DOK6: variants seen among roughly 807,000 people sequenced by gnomAD.
DOK6 encodes downstream of tyrosine kinase 6.
A neutral mutation model predicts 44.0 loss-of-function variants in DOK6; 22 were observed. The observed-to-expected ratio is 0.50, with a 90% CI of 0.36 to 0.71. The LOEUF (loss-of-function observed/expected upper bound fraction) is 0.71, where lower values mean the gene tolerates loss of function less well. Among genes scored for constraint, DOK6 ranks in the 30% least tolerant of loss-of-function variants. The probability of loss-of-function intolerance (pLI) is 0.00; values close to 1 mark genes in which losing one functional copy is unlikely to be tolerated. For missense variants in DOK6, 340 were observed against 416.4 expected, an observed-to-expected ratio of 0.82 and a Z score of 1.60; for synonymous variants, 166 against 145.5, an observed-to-expected ratio of 1.14 and a Z score of -1.01.
intron 6 of DOK6, among the ~76,000 whole-genome samples, chr18:69,743,846 G>A (rs996759013): frequency 6.0e-5 from 9 of 150,102 alleles, no homozygotes; most frequent in Non-Finnish European, 1.2e-4. Flanking sequence ...ACAGCATTTA[G>A]GATGCTCCTG....
intron 1 of DOK6, among the ~76,000 whole-genome samples, chr18:69,419,401 A>G (rs1217651386): frequency 6.6e-6 from 1 of 152,180 alleles, no homozygotes; most frequent in Non-Finnish European, 1.5e-5. Context: ...TTAAGTCATT[A>G]TGCTTTCTGC....
chr18:69,569,955 C>A (rs190705772), intron 2 of DOK6, among the ~76,000 whole-genome samples: 8 of 152,090 alleles, frequency 5.3e-5, no homozygotes, highest in Middle Eastern at 3.4e-3. Context: ...AAACCATATA[C>A]CACCTGTTCT....
At chr18:69,472,730 G>C (rs970377913) in intron 1 of DOK6, among the ~76,000 whole-genome samples, 2 of 151,532 alleles carry the variant, frequency 1.3e-5, no homozygotes, top group Admixed American at 1.3e-4. Context: ...ACACATACAC[G>C]CACAGATAGA....
intron 2 of DOK6, among the ~76,000 whole-genome samples, chr18:69,587,106 C>G (rs958765443): frequency 2.6e-5 from 4 of 152,142 alleles, no homozygotes; most frequent in African/African-American, 7.2e-5. Flanking sequence ...ACAGACGGCA[C>G]TGCTTATCTT....
chr18:69,601,817 C>T (rs72969449), intron 3 of DOK6, among the ~76,000 whole-genome samples: 3,750 of 152,200 alleles, frequency 0.025, 62 homozygotes, highest in Middle Eastern at 0.068. Context: ...ATGAAATACA[C>T]AAGACGAGCC....
At chr18:69,794,177 C>G (rs912459604) in intron 7 of DOK6, among the ~76,000 whole-genome samples, 1 of 152,134 alleles carries the variant, frequency 6.6e-6, no homozygotes, top group African/African-American at 2.4e-5. Context: ...CTTTCCATGT[C>G]ATTGGGGCCC....
chr18:69,410,576 T>A (rs918806715), intron 1 of DOK6, among the ~76,000 whole-genome samples: 1 of 152,178 alleles, frequency 6.6e-6, no homozygotes, highest in Non-Finnish European at 1.5e-5. Flanking sequence ...ACAGAAGGAA[T>A]ACAACAAAAA....
intron 4 of DOK6, among the ~76,000 whole-genome samples, chr18:69,681,617 C>T (rs767433698): frequency 3.2e-4 from 48 of 152,242 alleles, no homozygotes; most frequent in Non-Finnish European, 5.7e-4. Context: ...CAGGAAAGTG[C>T]ATACTTGGTA....
chr18:69,734,951 C>T (rs2144734545), intron 5 of DOK6, among the ~76,000 whole-genome samples: 1 of 152,274 alleles, frequency 6.6e-6, no homozygotes, highest in East Asian at 1.9e-4. Flanking sequence ...AGGGCGTGGT[C>T]TAGTAGTTCA....
chr18:69,590,520 G>A (rs147554962), intron 2 of DOK6, among the ~76,000 whole-genome samples: 13 of 152,086 alleles, frequency 8.5e-5, no homozygotes, highest in African/African-American at 2.2e-4. Flanking sequence ...CTTTGTATAC[G>A]GCTGGAACTT....
At chr18:69,808,236 C>G (rs1008153085) in intron 7 of DOK6, among the ~76,000 whole-genome samples, 4 of 151,570 alleles carry the variant, frequency 2.6e-5, no homozygotes, top group African/African-American at 9.7e-5. Context: ...TTAAATATAC[C>G]TTGAGACAAA....
At chr18:69,830,543 A>G (rs1239353366) in intron 7 of DOK6, among the ~76,000 whole-genome samples, 1 of 152,190 alleles carries the variant, frequency 6.6e-6, no homozygotes, top group East Asian at 1.9e-4. Context: ...AACCCTGCCA[A>G]CACCTTGATC....
chr18:69,729,856 T>C (rs1413943448), intron 5 of DOK6, among the ~76,000 whole-genome samples: 1 of 152,146 alleles, frequency 6.6e-6, no homozygotes, highest in African/African-American at 2.4e-5. Flanking sequence ...ATGGAGTGGC[T>C]CTAAAAGTTT....
At position 69,841,837 on chromosome 18, in the gene DOK6, A is replaced by G. The variant is rs76768670; in HGVS notation, c.*454A>G. Reference sequence around the variant, plus strand: ...GGCTTTTAAAGTTCTGACAGGGATAAATACAGTAAGCTCTGCAAATGACAT... The same window carrying G: ...GGCTTTTAAAGTTCTGACAGGGATAGATACAGTAAGCTCTGCAAATGACAT... On this transcript the variant is annotated 3_prime_UTR_variant, in exon 8 of 8. Transcript: ENST00000382713. 43 of 161,636 alleles carry G rather than the reference A, an allele frequency of 2.7e-4. No individual in the cohort carries two copies. Among genetic ancestry groups the G allele is most frequent in the Non-Finnish European group, 4.4e-4 (32 of 72,982 alleles). 10.0% of individuals were successfully genotyped at this position (161,636 alleles called of 1,614,324 possible). A position where few individuals can be genotyped will look rare whatever the true frequency, so the allele number is the denominator to read the frequency against.
chr18:69,520,934 C>T (rs1433877369), intron 1 of DOK6, among the ~76,000 whole-genome samples: 2 of 151,750 alleles, frequency 1.3e-5, no homozygotes, highest in Non-Finnish European at 2.9e-5. Flanking sequence ...CCTCTTAATT[C>T]AACTGTGCAT....
At position 69,604,991 on chromosome 18, in the gene DOK6, A is replaced by G. The variant is rs369465117; in HGVS notation, c.289+5493A>G. Among the ~76,000 whole-genome samples the G allele has an allele frequency of 1.4e-4, 21 of 145,976 alleles. No individual in the cohort carries two copies. In the East Asian group the frequency reaches 4.1e-3, roughly 28 times the overall value. ...AATGAGTGTCGCTTCTCCTTGTCAG[A>G]GAGAGTATCTGCACCATGGCCTCTG... is the stretch of plus-strand genomic sequence containing the variant. On this transcript the variant is annotated intron_variant, in intron 3 of 7. Coordinates refer to ENST00000382713, the MANE Select transcript of DOK6 (RefSeq NM_152721.6).
chr18:69,612,399 T>TTGTGTGCGAGGGCGAA (rs1984165229), intron 3 of DOK6, among the ~76,000 whole-genome samples: 1 of 62,412 alleles, frequency 1.6e-5, no homozygotes, highest in African/African-American at 5.9e-5. Flanking sequence ...CGAAGAGACT[T>TTGTGTGCGAGGGCGAA]TGTGTGCGAG....
intron 1 of DOK6, among the ~76,000 whole-genome samples, chr18:69,403,652 C>T (rs1265641563): frequency 6.6e-6 from 1 of 151,368 alleles, no homozygotes; most frequent in Non-Finnish European, 1.5e-5. Context: ...ATTTTGGGAA[C>T]TTTTTTTTTA....
chr18:69,592,950 G>C (rs1427558704), intron 2 of DOK6, among the ~76,000 whole-genome samples: 1 of 152,070 alleles, frequency 6.6e-6, no homozygotes, highest in Non-Finnish European at 1.5e-5. Flanking sequence ...TAAATACAGA[G>C]TTTCCCATGA....
Sources: allele counts gnomAD v4.1 joint callset (sites outside exome capture counted in the v4.1 genomes callset), GRCh38; gene constraint gnomAD v4.1.1; transcripts MANE v1.5; gene names NCBI Gene and HGNC (gene_info 2026-07-23, HGNC 2026-07-21).